PCTP: variants seen among roughly 807,000 people sequenced by gnomAD.
The protein encoded by PCTP is phosphatidylcholine transfer protein.
Under a neutral mutation model 31.0 loss-of-function variants are expected in PCTP, and 27 were observed. That is an observed-to-expected ratio of 0.87 (90% CI 0.64 to 1.20). The LOEUF (loss-of-function observed/expected upper bound fraction) is 1.20, where lower values mean the gene tolerates loss of function less well. Ranked by LOEUF, PCTP falls within the 50% of genes most tolerant of loss-of-function variation. The probability of loss-of-function intolerance (pLI) is 0.00; values close to 1 mark genes in which losing one functional copy is unlikely to be tolerated. For synonymous variants in PCTP, 108 were observed against 101.2 expected (o/e 1.07, Z -0.40); for missense variants, 287 against 268.2 (o/e 1.07, Z -0.49).
At chr17:55,764,412 G>A (rs1294920950) in intron 1 of PCTP, among the ~76,000 whole-genome samples, 1 of 152,204 alleles carries the variant, frequency 6.6e-6, no homozygotes, top group African/African-American at 2.4e-5. Context: ...GGGGGCAAGA[G>A]AGAGAAGATG....
chr17:55,826,773 C>T (rs947655148), downstream of PCTP, among the ~76,000 whole-genome samples: 1 of 152,156 alleles, frequency 6.6e-6, no homozygotes, highest in Admixed American at 6.5e-5. Context: ...CCTACGTGAT[C>T]CTTCACATGC....
At chr17:55,845,110 AAAAG>A (rs1374242416), downstream of PCTP, among the ~76,000 whole-genome samples, 6 of 149,184 alleles carry the variant, frequency 4.0e-5, no homozygotes, top group African/African-American at 1.5e-4. Context: ...AAAAAAAAAA[AAAAG>A]ACATCTAACA....
At chr17:55,778,548 A>C (rs1221718863), downstream of PCTP, among the ~76,000 whole-genome samples, 2 of 152,098 alleles carry the variant, frequency 1.3e-5, no homozygotes, top group East Asian at 1.9e-4. Context: ...AAATCCATTC[A>C]GCTATAGAGG....
chr17:55,796,173 T>A (rs902504142), intron 3 of PCTP, among the ~76,000 whole-genome samples: 1 of 151,970 alleles, frequency 6.6e-6, no homozygotes, highest in African/African-American at 2.4e-5. Flanking sequence ...ACTGTGTCAG[T>A]AATAATAAAT....
chr17:55,807,640 ATAAT>A (rs754015691), intron 3 of PCTP, among the ~76,000 whole-genome samples: 2 of 152,174 alleles, frequency 1.3e-5, no homozygotes, highest in African/African-American at 2.4e-5. Flanking sequence ...TATGAAGTCA[ATAAT>A]TAATCAAGTA....
chr17:55,802,694 C>A (rs1043012691), intron 3 of PCTP, among the ~76,000 whole-genome samples: 2 of 152,140 alleles, frequency 1.3e-5, no homozygotes, highest in African/African-American at 4.8e-5. Context: ...TCTCAATAAA[C>A]TAGGTTTTGA....
chr17:55,829,670 C>G (rs1905528676), intron 5 of PCTP, among the ~76,000 whole-genome samples: 1 of 149,996 alleles, frequency 6.7e-6, no homozygotes, highest in Non-Finnish European at 1.5e-5. Flanking sequence ...TTCATCTATA[C>G]AGTTTGGATA....
chr17:55,832,767 A>G (rs896405793), intron 5 of PCTP, among the ~76,000 whole-genome samples: 11 of 152,316 alleles, frequency 7.2e-5, no homozygotes, highest in African/African-American at 2.6e-4. Flanking sequence ...GGCTAAAACA[A>G]TTTTGCTGAA....
At position 55,774,806 on chromosome 17, in the gene PCTP, T is replaced by C. The variant is rs749140878; in HGVS notation, c.526T>C (p.Phe176Leu). ...TCCCTCTCTAGTTTTCATGTATTACTTCGATAACCCGGGTGGCCAAATTCC... is the reference window on the plus strand; with the variant it reads ...TCCCTCTCTAGTTTTCATGTATTACCTCGATAACCCGGGTGGCCAAATTCC... ...KKGSKVFMYY[F>L]DNPGGQIPSW... The change falls in exon 5 of 6, where the codon TTC becomes CTC. Residue 176 changes from phenylalanine to leucine, a missense_variant. Coordinates refer to ENST00000268896, the MANE Select transcript of PCTP (RefSeq NM_021213.4). 4 of 1,583,420 alleles carry C rather than the reference T, an allele frequency of 2.5e-6. No individual in the cohort carries two copies.
chr17:55,846,649 C>T (rs1016283904), downstream of PCTP, among the ~76,000 whole-genome samples: 1 of 152,142 alleles, frequency 6.6e-6, no homozygotes, highest in African/African-American at 2.4e-5. Flanking sequence ...GATAAACCCC[C>T]TCTTTTGGCA....
chr17:55,838,023 T>C (rs1391837182), intron 5 of PCTP, among the ~76,000 whole-genome samples: 4 of 151,842 alleles, frequency 2.6e-5, no homozygotes, highest in Non-Finnish European at 5.9e-5. Flanking sequence ...GCACCTTTAG[T>C]CCCAGCTACT....
At chr17:55,771,837 G>C (rs1376929921) in intron 3 of PCTP, among the ~76,000 whole-genome samples, 1 of 152,080 alleles carries the variant, frequency 6.6e-6, no homozygotes, top group Non-Finnish European at 1.5e-5. Context: ...GAATTTTGGG[G>C]GTGGGTAGGA....
chr17:55,805,583 C>T (rs950834620), intron 3 of PCTP, among the ~76,000 whole-genome samples: 2 of 151,486 alleles, frequency 1.3e-5, no homozygotes, highest in Non-Finnish European at 2.9e-5. Flanking sequence ...GACACACACA[C>T]ATATATGTAT....
At chr17:55,766,720 A>C (rs1275256521) in intron 1 of PCTP, among the ~76,000 whole-genome samples, 1 of 152,154 alleles carries the variant, frequency 6.6e-6, no homozygotes, top group Non-Finnish European at 1.5e-5. Flanking sequence ...CGCAGTAAAC[A>C]TATGTGTGCA....
intron 1 of PCTP, chr17:55,751,552 C>CT: frequency 1.4e-6 from 2 of 1,384,640 alleles, no homozygotes; most frequent in Non-Finnish European, 1.9e-6. Flanking sequence ...TAGGCCCGTG[C>CT]ACACGTCTGC....
In PCTP at chr17:55,783,981, C is replaced by T. The variant is rs1365156448; in HGVS notation, c.229-3585C>T. Among the ~76,000 whole-genome samples, 2 of 152,106 alleles carry T rather than the reference C, an allele frequency of 1.3e-5. 1 individual carries two copies. Among genetic ancestry groups the T allele is most frequent in the South Asian group, 4.1e-4 (2 of 4,824 alleles). ...CATGTCTTCCCATCCTATTCTGTTC[C>T]ACTAACTTATAAAACAGCCAGTGAC... On this transcript the variant is annotated intron_variant, in intron 2 of 3. Transcript: ENST00000572536.
At chr17:55,798,677 A>G (rs1912266225) in intron 3 of PCTP, among the ~76,000 whole-genome samples, 1 of 152,004 alleles carries the variant, frequency 6.6e-6, no homozygotes, top group Non-Finnish European at 1.5e-5. Context: ...ATATTTAGAA[A>G]ATGCAAACTG....
downstream of PCTP, among the ~76,000 whole-genome samples, chr17:55,845,085 C>CAAAAAA (rs891404386): frequency 3.8e-3 from 123 of 32,508 alleles, 15 homozygotes; most frequent in Middle Eastern, 0.02. Flanking sequence ...AAAACTCCAT[C>CAAAAAA]AAAAAAAAAA....
chr17:55,800,742 T>G (rs1422124429), intron 3 of PCTP, among the ~76,000 whole-genome samples: 1 of 152,184 alleles, frequency 6.6e-6, no homozygotes, highest in African/African-American at 2.4e-5. Context: ...TGCACTGTTT[T>G]TTTCCTCATC....
Sources: gnomAD v4.1 joint callset for allele counts (sites outside exome capture counted in the v4.1 genomes callset) on GRCh38, gnomAD v4.1.1 for gene constraint, MANE v1.5 for transcripts, NCBI Gene and HGNC (gene_info 2026-07-23, HGNC 2026-07-21) for gene names.